Variants in MFN1 observed in about 807,000 individuals in gnomAD.
The protein encoded by MFN1 is mitofusin 1, also known as mitofusin-1.
A neutral mutation model predicts 92.4 loss-of-function variants in MFN1; 65 were observed. The ratio of observed to expected loss-of-function variants is 0.70; its 90% CI spans 0.58 to 0.86. MFN1 has a LOEUF of 0.86. Ranked by LOEUF, MFN1 falls within the 40% of genes least tolerant of loss-of-function variation. The pLI, the probability that MFN1 is intolerant of heterozygous loss-of-function variation, is 0.00. For synonymous variants in MFN1, 297 were observed against 300.9 expected (o/e 0.99, Z 0.13); for missense variants, 781 against 868.0 (o/e 0.90, Z 1.26).
chr3:179,348,892 C>T lies in MFN1; in HGVS notation c.41C>T (p.Ala14Val), dbSNP rs764239814. 2 of 1,607,896 alleles carry T rather than the reference C, an allele frequency of 1.2e-6. No individual in the cohort carries two copies. Among genetic ancestry groups the T allele is most frequent in the African/African-American group, 1.3e-5 (1 of 74,988 alleles). Residue 14 changes from alanine to valine, a missense_variant, in exon 2 of 18, where the codon GCT (alanine) becomes GTT (valine). Transcript: ENST00000471841. ...PVSPLKHFVLAKKAITAIFDQ... is the reference protein window; with the variant it reads ...PVSPLKHFVLVKKAITAIFDQ... The stretch of plus-strand genomic sequence containing the variant: ...TCTCCACTGAAGCACTTTGTGCTGG[C>T]TAAGAAGGCGATTACTGCAATCTTT...
chr3:179,350,162 AAAG>A (rs1388686845), intron 2 of MFN1, among the ~76,000 whole-genome samples: 2 of 152,108 alleles, frequency 1.3e-5, no homozygotes, highest in South Asian at 2.1e-4. Context: ...AAAAAAAAAA[AAAG>A]ATTATGCACC....
intron 11 of MFN1, 74 bp downstream of exon 11, chr3:179,377,242 C>A: frequency 6.5e-7 from 1 of 1,537,512 alleles, no homozygotes; most frequent in Non-Finnish European, 8.8e-7. Context: ...AATGTTATTC[C>A]TGTTACTTTA....
At chr3:179,388,796 CAAG>C (rs980955068) in intron 16 of MFN1, among the ~76,000 whole-genome samples, 2 of 152,082 alleles carry the variant, frequency 1.3e-5, no homozygotes, top group Non-Finnish European at 2.9e-5. Flanking sequence ...AAATCAAAAA[CAAG>C]AAGGTAAGGG....
At position 179,352,049 on chromosome 3, in the gene MFN1, ATTAC is replaced by A. The variant is rs1165456666; in HGVS notation, c.248+17_248+20del. On this transcript the variant is annotated intron_variant, in intron 3 of 17. Transcript: ENST00000471841. The stretch of plus-strand genomic sequence containing the variant: ...ATTTTTTGGCAGGTAATTATTTATT[ATTAC>A]TTCTAAGATTAGTTTCCAGGAATCA... The A allele has an allele frequency of 6.3e-7, 1 of 1,579,306 alleles. No individual in the cohort carries two copies. Among genetic ancestry groups the A allele is most frequent in the African/African-American group, 1.3e-5 (1 of 74,312 alleles).
chr3:179,368,239 A>ACT, intron 9 of MFN1, 136 bp downstream of exon 9: 1 of 476,870 alleles, frequency 2.1e-6, no homozygotes, highest in Non-Finnish European at 3.3e-6. Flanking sequence ...ACAGCCAGTA[A>ACT]AATGTGGAAA....
At chr3:179,386,315 A>G (rs1713681872) in intron 15 of MFN1, 118 bp from the exon 16 acceptor site, 1 of 764,262 alleles carries the variant, frequency 1.3e-6, no homozygotes, top group Non-Finnish European at 2.1e-6. Context: ...GAGAAGGAAT[A>G]TACATTTTTA....
In MFN1 at chr3:179,393,421, T is replaced by C. The variant is rs901354917; in HGVS notation, c.*1362T>C. 4 of 152,156 alleles carry C rather than the reference T, an allele frequency of 2.6e-5. No individual in the cohort carries two copies. Among genetic ancestry groups the C allele is most frequent in the African/African-American group, 9.7e-5 (4 of 41,424 alleles). The allele number at this position is 152,156 out of a possible 1,614,324, so 9.4% of individuals were successfully genotyped here. On this transcript the variant is annotated 3_prime_UTR_variant, in exon 18 of 18. Coordinates refer to ENST00000471841, the MANE Select transcript of MFN1 (RefSeq NM_033540.3). ...TGGGAGGGATAAAATTTAAAGCTTTTTTTTTCTTTGAATACAGTCCTTCCT... is the reference window on the plus strand; with the variant it reads ...TGGGAGGGATAAAATTTAAAGCTTTCTTTTTCTTTGAATACAGTCCTTCCT...
chr3:179,360,809 A>G (rs1363967460), intron 4 of MFN1, among the ~76,000 whole-genome samples: 1 of 152,148 alleles, frequency 6.6e-6, no homozygotes, highest in Non-Finnish European at 1.5e-5. Context: ...GAATAAGCAT[A>G]CCCTTCAGAT....
Position 179,375,224 on chromosome 3 carries a change from G to GT in MFN1, c.981dup (p.Ile328TyrfsTer18). ...TACGGCTTGGGCCCCTCGCAGGAGT[G>GT]TATCTCGCAGTCAGCAGTGAAAACA... is the stretch of plus-strand genomic sequence containing the variant. On this transcript the variant is annotated frameshift_variant, in exon 10 of 18. Coordinates refer to ENST00000471841, the MANE Select transcript of MFN1 (RefSeq NM_033540.3). LOFTEE classifies it high-confidence loss of function. 4 of 1,611,934 alleles carry GT rather than the reference G, an allele frequency of 2.5e-6. No individual in the cohort carries two copies. Among genetic ancestry groups the GT allele is most frequent in the Non-Finnish European group, 3.4e-6 (4 of 1,179,156 alleles).
In MFN1 at chr3:179,390,010, AGCTACCAC is replaced by A; in HGVS notation, c.2020_2027del (p.Ala674PhefsTer9). On this transcript the variant is annotated frameshift_variant, in exon 17 of 18. Transcript: ENST00000471841. LOFTEE classifies it high-confidence loss of function. The stretch of plus-strand genomic sequence containing the variant: ...TCTAAATTTTTATTTTAAGACAAAT[AGCTACCAC>A]TTTTGCTCGCCTGTGCCAACAAGTT... The A allele has an allele frequency of 6.3e-7, 1 of 1,599,376 alleles. No individual in the cohort carries two copies. Among genetic ancestry groups the A allele is most frequent in the Non-Finnish European group, 8.5e-7 (1 of 1,176,260 alleles).
At chr3:179,367,774 T>C (rs1286559540) in intron 8 of MFN1, among the ~76,000 whole-genome samples, 182 bp downstream of exon 8, 1 of 149,334 alleles carries the variant, frequency 6.7e-6, no homozygotes, top group East Asian at 2.0e-4. Flanking sequence ...AATACAAAAA[T>C]TAGCTGGGCA....
intron 17 of MFN1, among the ~76,000 whole-genome samples, chr3:179,391,125 A>G (rs1713883447): frequency 1.3e-5 from 2 of 152,142 alleles, no homozygotes; most frequent in South Asian, 4.1e-4. Flanking sequence ...TGCAGTAGAA[A>G]TTGGTTTTTT....
intron 7 of MFN1, 98 bp from the exon 8 acceptor site, chr3:179,367,338 TTTA>T (rs1340406154): frequency 2.0e-6 from 2 of 985,388 alleles, no homozygotes; most frequent in African/African-American, 1.7e-5. Context: ...TATGGTAACT[TTTA>T]TTATATCACT....
At chr3:179,380,999 AAAG>A (rs1280611489) in intron 14 of MFN1, among the ~76,000 whole-genome samples, 2 of 152,238 alleles carry the variant, frequency 1.3e-5, no homozygotes, top group East Asian at 1.9e-4. Context: ...AGGATATATC[AAAG>A]AAGTGTTTGA....
intron 4 of MFN1, 38 bp downstream of exon 4, chr3:179,359,040 A>G (rs761731388): frequency 3.2e-6 from 5 of 1,580,824 alleles, no homozygotes; most frequent in Non-Finnish European, 4.3e-6. Flanking sequence ...ATATACCTGA[A>G]ACAATGTCCT....
chr3:179,354,944 G>A (rs1324604131), intron 3 of MFN1, among the ~76,000 whole-genome samples: 1 of 152,068 alleles, frequency 6.6e-6, no homozygotes, highest in Non-Finnish European at 1.5e-5. Context: ...TTACAGGAGT[G>A]CACCACCACA....
chr3:179,390,022 TGCTCGC>T lies in MFN1; in HGVS notation c.2032_2037del (p.Ala678_Arg679del). 1 of 1,601,678 alleles carries T rather than the reference TGCTCGC, an allele frequency of 6.2e-7. No individual in the cohort carries two copies. Among genetic ancestry groups the T allele is most frequent in the Non-Finnish European group, 8.5e-7 (1 of 1,176,772 alleles). On this transcript the variant is annotated inframe_deletion, in exon 17 of 18. Coordinates refer to ENST00000471841, the MANE Select transcript of MFN1 (RefSeq NM_033540.3). ...TTTTAAGACAAATAGCTACCACTTT[TGCTCGC>T]CTGTGCCAACAAGTTGATATTACTC...
chr3:179,364,672 A>C (rs1487806621), intron 6 of MFN1, among the ~76,000 whole-genome samples: 1 of 152,164 alleles, frequency 6.6e-6, no homozygotes, highest in African/African-American at 2.4e-5. Context: ...TGAGTGCCAG[A>C]AATTTTAGGA....
intron 16 of MFN1, among the ~76,000 whole-genome samples, chr3:179,387,571 A>ATCT (rs1713733964): frequency 1.4e-5 from 2 of 140,874 alleles, no homozygotes; most frequent in Non-Finnish European, 3.0e-5. Context: ...TGCCCTTAAG[A>ATCT]TATTTGTGGT....
Sources: gnomAD v4.1 joint callset for allele counts (sites outside exome capture counted in the v4.1 genomes callset) on GRCh38, gnomAD v4.1.1 for gene constraint, MANE v1.5 for transcripts, NCBI Gene and HGNC (gene_info 2026-07-23, HGNC 2026-07-21) for gene names.